The following ASIC2 variants were observed in gnomAD, a reference collection of about 807,000 sequenced individuals.
ASIC2 encodes the protein acid-sensing ion channel 2.
A neutral mutation model predicts 57.3 loss-of-function variants in ASIC2; 25 were observed. The ratio of observed to expected loss-of-function variants is 0.44; its 90% CI spans 0.32 to 0.61. The LOEUF is 0.61. Among genes scored for constraint, ASIC2 ranks in the 20% least tolerant of loss-of-function variants. ASIC2 has a pLI of 0.06. For missense variants in ASIC2, 641 were observed against 738.1 expected (o/e 0.87, Z 1.52); for synonymous variants, 319 against 307.5 (o/e 1.04, Z -0.39).
chr17:33,602,014 A>G (rs1905125821), intron 1 of ASIC2, among the ~76,000 whole-genome samples: 1 of 152,222 alleles, frequency 6.6e-6, no homozygotes, highest in African/African-American at 2.4e-5. Context: ...TAACTTGTTA[A>G]TTTCACAGGC....
intron 1 of ASIC2, among the ~76,000 whole-genome samples, chr17:33,410,245 G>A (rs1483399235): frequency 6.6e-6 from 1 of 152,136 alleles, no homozygotes; most frequent in Non-Finnish European, 1.5e-5. Context: ...ACAGCACCCA[G>A]AAATCACAGC....
chr17:33,736,484 G>A (rs993664920), intron 1 of ASIC2, among the ~76,000 whole-genome samples: 20 of 152,132 alleles, frequency 1.3e-4, no homozygotes, highest in African/African-American at 4.6e-4. Flanking sequence ...AGTGTCTCCC[G>A]CCAGCCTATG....
At chr17:33,052,145 C>T (rs1220804908) in intron 3 of ASIC2, 3 of 152,144 alleles carry the variant, frequency 2.0e-5, no homozygotes, top group Admixed American at 2.0e-4. Context: ...CGTATCTCAC[C>T]CTTGTTCTCA....
At chr17:33,546,344 G>T (rs901891044) in intron 1 of ASIC2, among the ~76,000 whole-genome samples, 1 of 151,970 alleles carries the variant, frequency 6.6e-6, no homozygotes, top group Non-Finnish European at 1.5e-5. Context: ...ACACCTGCTT[G>T]TACCTTCGAT....
chr17:33,687,745 G>A (rs1044772790), intron 1 of ASIC2, among the ~76,000 whole-genome samples: 1 of 152,192 alleles, frequency 6.6e-6, no homozygotes, highest in Non-Finnish European at 1.5e-5. Context: ...TTTAGTTGCA[G>A]GTCCTGTGCT....
At chr17:33,390,335 C>A (rs1011453169) in intron 1 of ASIC2, among the ~76,000 whole-genome samples, 7 of 151,964 alleles carry the variant, frequency 4.6e-5, no homozygotes, top group Non-Finnish European at 8.8e-5. Flanking sequence ...AAAAAGAAGC[C>A]CCTTTCCCTC....
At chr17:33,477,288 A>G (rs1913261635) in intron 1 of ASIC2, among the ~76,000 whole-genome samples, 1 of 152,098 alleles carries the variant, frequency 6.6e-6, no homozygotes, top group Non-Finnish European at 1.5e-5. Context: ...AAAAATCCCT[A>G]TTAGAACTTC....
chr17:33,461,165 A>G (rs1912621178), intron 1 of ASIC2, among the ~76,000 whole-genome samples: 1 of 152,200 alleles, frequency 6.6e-6, no homozygotes, highest in African/African-American at 2.4e-5. Flanking sequence ...AATAGTCTCA[A>G]ATGCAAAGTT....
chr17:33,350,273 G>T (rs1404086384), intron 1 of ASIC2, among the ~76,000 whole-genome samples: 1 of 152,186 alleles, frequency 6.6e-6, no homozygotes, highest in African/African-American at 2.4e-5. Flanking sequence ...ATGCAGGCTG[G>T]GACTATGTCT....
chr17:33,799,431 T>TTTCTTTCTTTCTTTCTTTC lies in ASIC2; in HGVS notation c.555+356528_555+356546dup, dbSNP rs1912046810. Reference sequence around the variant, plus strand: ...TCTTTCTTTCTTTCTTTCTTTCTTCTTTCTTTCTTTCTTTCTTTCTTTCTT... The same window carrying TTTCTTTCTTTCTTTCTTTC: ...TCTTTCTTTCTTTCTTTCTTTCTTCTTTCTTTCTTTCTTTCTTTCTTCTTTCTTTCTTTCTTTCTTTCTT... On this transcript the variant is annotated intron_variant, in intron 1 of 9. Transcript: ENST00000359872. 7.3e-3 allele frequency among the ~76,000 whole-genome samples: 163 copies of TTTCTTTCTTTCTTTCTTTC among 22,470 alleles called. 1 individual carries two copies. The highest frequency in any genetic ancestry group is 0.01 in the Non-Finnish European group (93 of 9,176). The allele number at this position is 22,470 out of a possible 152,430, so 14.7% of individuals were successfully genotyped here.
intron 1 of ASIC2, among the ~76,000 whole-genome samples, chr17:33,735,279 T>C (rs988274124): frequency 2.6e-5 from 4 of 152,328 alleles, no homozygotes; most frequent in African/African-American, 9.6e-5. Context: ...CTCTAGTCCT[T>C]GTGTGGGAAA....
chr17:33,635,695 C>T (rs923108231), intron 1 of ASIC2, among the ~76,000 whole-genome samples: 2 of 152,178 alleles, frequency 1.3e-5, no homozygotes, highest in Non-Finnish European at 2.9e-5. Flanking sequence ...GAGAAGGCAC[C>T]AGAGGCAGAG....
At chr17:33,166,675 G>A (rs1905317112) in intron 1 of ASIC2, among the ~76,000 whole-genome samples, 1 of 152,194 alleles carries the variant, frequency 6.6e-6, no homozygotes, top group Admixed American at 6.5e-5. Flanking sequence ...TGACTGGAAG[G>A]AGGTGGGTTG....
intron 1 of ASIC2, among the ~76,000 whole-genome samples, chr17:33,693,701 AT>A (rs1567690696): frequency 1.8e-4 from 28 of 152,298 alleles, no homozygotes; most frequent in African/African-American, 6.5e-4. Flanking sequence ...ATGTCTCCCT[AT>A]TGCAGCTCAC....
Position 33,593,376 on chromosome 17 carries a change from AC to A in ASIC2, c.556-481310del, listed in dbSNP as rs540805132. Among the ~76,000 whole-genome samples, 318 of 90,698 alleles carry A rather than the reference AC, an allele frequency of 3.5e-3. 1 individual carries two copies. The highest frequency in any genetic ancestry group is 4.4e-3 in the Non-Finnish European group (227 of 51,368). The allele number at this position is 90,698 out of a possible 152,430, so 59.5% of individuals were successfully genotyped here. On this transcript the variant is annotated intron_variant, in intron 1 of 9. Transcript: ENST00000359872. ...TCCCCTCATTGGTAAAAAAAAAAGC[AC>A]ATTGTGGCTAGGTTATCTTCAAGGG...
At chr17:33,900,901 G>A (rs1040161019) in intron 1 of ASIC2, among the ~76,000 whole-genome samples, 2 of 152,198 alleles carry the variant, frequency 1.3e-5, no homozygotes, top group Non-Finnish European at 2.9e-5. Context: ...CTTGGCTAAA[G>A]ACAGCAGGGT....
At chr17:33,379,488 C>A (rs565800252) in intron 1 of ASIC2, among the ~76,000 whole-genome samples, 74 of 152,274 alleles carry the variant, frequency 4.9e-4, no homozygotes, top group African/African-American at 1.5e-3. Flanking sequence ...GCTCCTGGGA[C>A]CTTTTAAGGG....
chr17:33,875,679 C>A (rs1405141657), intron 1 of ASIC2, among the ~76,000 whole-genome samples: 1 of 152,196 alleles, frequency 6.6e-6, no homozygotes, highest in Non-Finnish European at 1.5e-5. Flanking sequence ...TCCCCAACTT[C>A]TATCTGTGCA....
At chr17:33,042,752 C>CAGCAGGGTGGAGTCCACAGGA (rs2091934520) in intron 3 of ASIC2, among the ~76,000 whole-genome samples, 2 of 152,172 alleles carry the variant, frequency 1.3e-5, no homozygotes, top group African/African-American at 4.8e-5. Flanking sequence ...GAATATACCA[C>CAGCAGGGTGGAGTCCACAGGA]AGCAGGGTGG....
Sources: gnomAD v4.1 joint callset for allele counts (sites outside exome capture counted in the v4.1 genomes callset) on GRCh38, gnomAD v4.1.1 for gene constraint, MANE v1.5 for transcripts, NCBI Gene and HGNC (gene_info 2026-07-23, HGNC 2026-07-21) for gene names.